SNX29: variants seen among roughly 807,000 people sequenced by gnomAD.
SNX29 encodes the protein sorting nexin 29.
SNX29 carries 78 observed loss-of-function variants against 102.1 expected under a neutral mutation model. That is an observed-to-expected ratio of 0.76 (90% CI 0.64 to 0.92). The LOEUF (loss-of-function observed/expected upper bound fraction) is 0.92, where lower values mean the gene tolerates loss of function less well. Among genes scored for constraint, SNX29 ranks in the 40% least tolerant of loss-of-function variants. The probability of loss-of-function intolerance (pLI) is 0.00; values close to 1 mark genes in which losing one functional copy is unlikely to be tolerated. For missense variants in SNX29, 1,280 were observed against 1,061.7 expected (o/e 1.21, Z -2.86); for synonymous variants, 580 against 414.5 (o/e 1.40, Z -4.85).
At chr16:12,217,976 C>T (rs2077369433) in intron 14 of SNX29, among the ~76,000 whole-genome samples, 1 of 152,152 alleles carries the variant, frequency 6.6e-6, no homozygotes, top group Non-Finnish European at 1.5e-5. Flanking sequence ...CTTGGTTTCC[C>T]ATGACTTGTT....
At chr16:12,250,349 A>T (rs2078385517) in intron 14 of SNX29, among the ~76,000 whole-genome samples, 1 of 152,188 alleles carries the variant, frequency 6.6e-6, no homozygotes, top group Non-Finnish European at 1.5e-5. Context: ...AGGCAAAGAG[A>T]TACAAGTCAG....
chr16:12,527,055 C>T (rs534168647), intron 20 of SNX29: 1 of 416,856 alleles, frequency 2.4e-6, no homozygotes, highest in Non-Finnish European at 4.6e-6. Flanking sequence ...GGAATTTTGA[C>T]TACATGTTGG....
At chr16:12,323,595 G>A (rs2081029233) in intron 15 of SNX29, among the ~76,000 whole-genome samples, 4 of 152,034 alleles carry the variant, frequency 2.6e-5, no homozygotes, top group African/African-American at 9.7e-5. Flanking sequence ...GAGAAGGCAT[G>A]AGAAAGGGAA....
chr16:12,402,259 C>T (rs1033360735), intron 17 of SNX29, among the ~76,000 whole-genome samples: 2 of 152,228 alleles, frequency 1.3e-5, no homozygotes, highest in African/African-American at 2.4e-5. Flanking sequence ...GACCCATTAC[C>T]TGAAGGGTTA....
In SNX29 at chr16:12,223,414, C is replaced by G. The variant is rs187224424; in HGVS notation, c.1678+23731C>G. Among the ~76,000 whole-genome samples the G allele has an allele frequency of 1.6e-3, 240 of 152,216 alleles. 1 individual carries two copies. The highest frequency in any genetic ancestry group is 6.8e-3 in the Middle Eastern group (2 of 294). On this transcript the variant is annotated intron_variant, in intron 14 of 20. Coordinates refer to ENST00000566228, the MANE Select transcript of SNX29 (RefSeq NM_032167.5). Reference sequence around the variant, plus strand: ...CGGTGGCTTATGCCTGTAATCCCAGCACTTTGGGAGGCTGAGGAGGGTGGA... The same window carrying G: ...CGGTGGCTTATGCCTGTAATCCCAGGACTTTGGGAGGCTGAGGAGGGTGGA...
intron 9 of SNX29, among the ~76,000 whole-genome samples, chr16:12,068,743 C>A (rs965492271): frequency 6.6e-6 from 1 of 152,122 alleles, no homozygotes; most frequent in Admixed American, 6.5e-5. Context: ...TGGGGTTTCA[C>A]CATGTTGGCC....
chr16:12,344,949 G>A (rs1282409661), intron 15 of SNX29, among the ~76,000 whole-genome samples: 1 of 152,240 alleles, frequency 6.6e-6, no homozygotes, highest in African/African-American at 2.4e-5. Context: ...CGAGCACCAT[G>A]TTTTGTGCTT....
intron 15 of SNX29, among the ~76,000 whole-genome samples, chr16:12,320,337 C>G (rs1238945427): frequency 6.6e-6 from 1 of 152,070 alleles, no homozygotes; most frequent in Non-Finnish European, 1.5e-5. Context: ...AGGAGAGTCA[C>G]CGAGAGCCAG....
At chr16:12,226,079 A>G (rs1455122545) in intron 14 of SNX29, among the ~76,000 whole-genome samples, 1 of 152,216 alleles carries the variant, frequency 6.6e-6, no homozygotes, top group Non-Finnish European at 1.5e-5. Context: ...CTCTTTCCTA[A>G]TAATTAATCC....
intron 18 of SNX29, among the ~76,000 whole-genome samples, chr16:12,408,597 G>A (rs766412358): frequency 6.6e-6 from 1 of 152,192 alleles, no homozygotes; most frequent in South Asian, 2.1e-4. Context: ...AAGGCGGGTG[G>A]ATCACCTGAG....
chr16:12,025,014 T>C (rs1349226232), intron 3 of SNX29, among the ~76,000 whole-genome samples: 1 of 152,022 alleles, frequency 6.6e-6, no homozygotes, highest in African/African-American at 2.4e-5. Context: ...AAATATGTGC[T>C]TATGAGGCTG....
At chr16:12,314,277 G>A (rs1005251807) in intron 15 of SNX29, among the ~76,000 whole-genome samples, 3 of 152,236 alleles carry the variant, frequency 2.0e-5, no homozygotes, top group African/African-American at 7.2e-5. Context: ...GGCATTACAG[G>A]CATGAGCCAC....
intron 15 of SNX29, among the ~76,000 whole-genome samples, chr16:12,350,783 G>A (rs915181522): frequency 6.6e-6 from 1 of 152,148 alleles, no homozygotes; most frequent in African/African-American, 2.4e-5. Context: ...GTCACCGTGG[G>A]CTTTAAAAAG....
At chr16:12,566,744 C>T (rs960874927) in intron 20 of SNX29, among the ~76,000 whole-genome samples, 1 of 152,198 alleles carries the variant, frequency 6.6e-6, no homozygotes, top group Non-Finnish European at 1.5e-5. Flanking sequence ...TTTGGGCCTG[C>T]AGCCAGACAC....
At chr16:12,500,210 C>G (rs1198397934) in intron 19 of SNX29, among the ~76,000 whole-genome samples, 3 of 152,276 alleles carry the variant, frequency 2.0e-5, no homozygotes, top group South Asian at 4.1e-4. Context: ...GTTGCACAGG[C>G]TGGTCTTGAA....
chr16:12,425,903 G>A (rs991238169), intron 18 of SNX29, among the ~76,000 whole-genome samples: 1 of 152,092 alleles, frequency 6.6e-6, no homozygotes, highest in South Asian at 2.1e-4. Context: ...AAAACTTGGT[G>A]TGTTTTCTGC....
chr16:12,090,670 C>T (rs1317957545), intron 11 of SNX29, among the ~76,000 whole-genome samples: 2 of 152,140 alleles, frequency 1.3e-5, no homozygotes, highest in African/African-American at 2.4e-5. Flanking sequence ...CAAATCCATC[C>T]GTAAGTTCAT....
intron 14 of SNX29, among the ~76,000 whole-genome samples, chr16:12,223,064 A>C (rs1199814223): frequency 6.6e-6 from 1 of 152,206 alleles, no homozygotes; most frequent in African/African-American, 2.4e-5. Flanking sequence ...TTTTGACACT[A>C]GTGATCTGAA....
At chr16:12,226,927 G>A (rs188793698) in intron 14 of SNX29, among the ~76,000 whole-genome samples, 42 of 152,274 alleles carry the variant, frequency 2.8e-4, no homozygotes, top group East Asian at 1.4e-3. Flanking sequence ...CTGGCTAGCT[G>A]ATTCCATCTT....
Sources: allele counts gnomAD v4.1 joint callset (sites outside exome capture counted in the v4.1 genomes callset), GRCh38; gene constraint gnomAD v4.1.1; transcripts MANE v1.5; gene names NCBI Gene and HGNC (gene_info 2026-07-23, HGNC 2026-07-21).